The following SHQ1 variants were observed in gnomAD, a reference collection of about 807,000 sequenced individuals.
The protein encoded by SHQ1 is SHQ1, H/ACA ribonucleoprotein assembly factor.
A neutral mutation model predicts 53.8 loss-of-function variants in SHQ1; 49 were observed. The ratio of observed to expected loss-of-function variants is 0.91; its 90% CI spans 0.72 to 1.16. SHQ1 has a LOEUF of 1.16. SHQ1 is among the 50% of genes most tolerant of loss of function. SHQ1 has a pLI of 0.00. For synonymous variants in SHQ1, 243 were observed against 251.0 expected, an observed-to-expected ratio of 0.97 and a Z score of 0.30; for missense variants, 738 against 683.1, an observed-to-expected ratio of 1.08 and a Z score of -0.90.
At chr3:72,823,070 A>T (rs1289094643) in intron 6 of SHQ1, among the ~76,000 whole-genome samples, 1 of 151,698 alleles carries the variant, frequency 6.6e-6, no homozygotes, top group East Asian at 1.9e-4. Flanking sequence ...AATGGCGTGA[A>T]ACCGGGAGGC....
At chr3:72,820,846 G>A (rs1398387844) in intron 6 of SHQ1, among the ~76,000 whole-genome samples, 1 of 152,106 alleles carries the variant, frequency 6.6e-6, no homozygotes, top group Non-Finnish European at 1.5e-5. Flanking sequence ...AAATGGCCAA[G>A]GACCACCTCC....
intron 9 of SHQ1, among the ~76,000 whole-genome samples, chr3:72,798,504 A>C (rs1252001615): frequency 1.3e-5 from 2 of 152,254 alleles, no homozygotes; most frequent in East Asian, 3.9e-4. Flanking sequence ...GATGACAGTA[A>C]TAAGTAGGTG....
chr3:72,765,488 G>A (rs1471043603), intron 10 of SHQ1, among the ~76,000 whole-genome samples: 1 of 138,390 alleles, frequency 7.2e-6, no homozygotes, highest in South Asian at 2.2e-4. Context: ...GCAGTGGCAC[G>A]ATCTCAGCAC....
At chr3:72,743,532 T>C in the SHQ1 span, among the ~76,000 whole-genome samples, 6 of 152,300 alleles carry the variant, frequency 3.9e-5, no homozygotes, top group African/African-American at 1.2e-4. Flanking sequence ...GCTTAGAATG[T>C]TGGCAGAAGT....
chr3:72,812,628 C>G, intron 9 of SHQ1, 43 bp downstream of exon 9: 1 of 1,604,532 alleles, frequency 6.2e-7, no homozygotes. Flanking sequence ...TAAAAACTTA[C>G]AACTTTTTCC....
chr3:72,728,221 C>G, the SHQ1 span, among the ~76,000 whole-genome samples: 1 of 152,300 alleles, frequency 6.6e-6, no homozygotes, highest in South Asian at 2.1e-4. Flanking sequence ...CCAGGAAAAC[C>G]CAAAGCAAGG....
rs546125515 is a variant in SHQ1, at chr3:72,788,521, C to T, written c.1181+4395G>A. Among the ~76,000 whole-genome samples, 6 of 152,168 alleles carry T rather than the reference C, an allele frequency of 3.9e-5. No individual in the cohort carries two copies. In the East Asian group the frequency reaches 5.8e-4, roughly 15 times the overall value. On this transcript the variant is annotated intron_variant, in intron 10 of 10. Transcript: ENST00000325599. Reference sequence around the variant, plus strand: ...GGTAGGGGGGGCGCCTCTGCCCTGCCGCCCCGTCGGGGAAGTGAGGACCTC... The same window carrying T: ...GGTAGGGGGGGCGCCTCTGCCCTGCTGCCCCGTCGGGGAAGTGAGGACCTC...
intron 10 of SHQ1, among the ~76,000 whole-genome samples, chr3:72,775,159 A>T (rs935271143): frequency 1.3e-5 from 2 of 152,026 alleles, no homozygotes; most frequent in African/African-American, 4.8e-5. Flanking sequence ...AAATTAGCTA[A>T]TCAAATATAC....
chr3:72,733,244 T>C, the SHQ1 span, among the ~76,000 whole-genome samples: 1 of 151,492 alleles, frequency 6.6e-6, no homozygotes, highest in Non-Finnish European at 1.5e-5. Flanking sequence ...CTCCCTTCCT[T>C]CTCACAAAGC....
At chr3:72,763,062 C>A (rs10603499) in intron 10 of SHQ1, among the ~76,000 whole-genome samples, 1 of 76,200 alleles carries the variant, frequency 1.3e-5, no homozygotes, top group Admixed American at 1.3e-4. Context: ...CACACACACA[C>A]AGAGAGAGAG....
At chr3:72,781,913 A>G (rs1321861109) in intron 10 of SHQ1, among the ~76,000 whole-genome samples, 1 of 152,204 alleles carries the variant, frequency 6.6e-6, no homozygotes, top group Admixed American at 6.5e-5. Context: ...CAGTTTTCCT[A>G]TACCCCAAAA....
At chr3:72,815,982 AT>A (rs1322765355) in intron 7 of SHQ1, among the ~76,000 whole-genome samples, 1 of 152,188 alleles carries the variant, frequency 6.6e-6, no homozygotes, top group Non-Finnish European at 1.5e-5. Flanking sequence ...AATATGAAGC[AT>A]TTTTTGGTCA....
At chr3:72,835,340 T>C (rs1436414484) in intron 4 of SHQ1, among the ~76,000 whole-genome samples, 4 of 152,096 alleles carry the variant, frequency 2.6e-5, no homozygotes, top group Non-Finnish European at 4.4e-5. Context: ...CATTCAATAA[T>C]GTCGGTTTCC....
intron 10 of SHQ1, among the ~76,000 whole-genome samples, chr3:72,754,790 A>G (rs766621111): frequency 2.6e-5 from 4 of 152,234 alleles, no homozygotes; most frequent in Admixed American, 6.5e-5. Context: ...AATCCTCCAA[A>G]GGAACTGTGA....
downstream of SHQ1, among the ~76,000 whole-genome samples, chr3:72,746,003 G>A (rs1271012692): frequency 6.6e-6 from 1 of 151,958 alleles, no homozygotes; most frequent in African/African-American, 2.4e-5. Context: ...ACCACCCCCA[G>A]GTAAGTTGTT....
At chr3:72,774,541 A>G (rs1459865204) in intron 10 of SHQ1, among the ~76,000 whole-genome samples, 1 of 152,254 alleles carries the variant, frequency 6.6e-6, no homozygotes, top group East Asian at 1.9e-4. Flanking sequence ...ATAAAAATCC[A>G]TATGCTTGGA....
chr3:72,829,712 T>C (rs1174164271), intron 5 of SHQ1, among the ~76,000 whole-genome samples: 3 of 152,148 alleles, frequency 2.0e-5, no homozygotes. Flanking sequence ...TAATGAAAAA[T>C]TATCACAATT....
intron 10 of SHQ1, among the ~76,000 whole-genome samples, chr3:72,751,492 G>A (rs1014513152): frequency 3.0e-4 from 30 of 98,884 alleles, no homozygotes; most frequent in African/African-American, 3.8e-4. Flanking sequence ...GTGTGTGTGT[G>A]TGTGTGTGTG....
chr3:72,835,974 T>C (rs1014558275), intron 4 of SHQ1, among the ~76,000 whole-genome samples: 1 of 152,234 alleles, frequency 6.6e-6, no homozygotes, highest in Non-Finnish European at 1.5e-5. Context: ...ATCTCCTCAC[T>C]AGAATGTTCT....
Sources: gnomAD v4.1 joint callset for allele counts (sites outside exome capture counted in the v4.1 genomes callset) on GRCh38, gnomAD v4.1.1 for gene constraint, MANE v1.5 for transcripts, NCBI Gene and HGNC (gene_info 2026-07-23, HGNC 2026-07-21) for gene names.